The following RPGR variants were observed in gnomAD, a reference collection of about 807,000 sequenced individuals.
The protein encoded by RPGR is X-linked retinitis pigmentosa GTPase regulator.
In RPGR, 10 loss-of-function variants were observed where a neutral mutation model predicts 56.3. That is an observed-to-expected ratio of 0.18 (90% CI 0.11 to 0.30). The LOEUF is 0.30. Ranked by LOEUF, RPGR falls within the 10% of genes least tolerant of loss-of-function variation. The pLI is 1.00. For synonymous variants in RPGR, 197 were observed against 212.9 expected, an observed-to-expected ratio of 0.93 and a Z score of 0.65; for missense variants, 538 against 590.9, an observed-to-expected ratio of 0.91 and a Z score of 0.93.
chrX:38,286,439 C>G lies in RPGR; in HGVS notation c.1905+655G>C. On this transcript the variant is annotated intron_variant, in intron 15 of 18. Coordinates refer to ENST00000642395, the MANE Select transcript of RPGR (RefSeq NM_000328.3). ...CCTTCTTCCTCCCCTTTCCCTTCTC[C>G]TTCCTCCTCTTCCCCCTCCCCTTCC... 5.3e-6 allele frequency: 5 copies of G among 945,687 alleles called. No homozygotes were observed. In the South Asian group the frequency reaches 1.5e-4, roughly 29 times the overall value. 77.9% of individuals were successfully genotyped at this position (945,687 alleles called of 1,213,427 possible).
intron 15 of RPGR, among the ~76,000 whole-genome samples, chrX:38,280,597 A>G: frequency 8.9e-6 from 1 of 112,005 alleles, no homozygotes; most frequent in Non-Finnish European, 1.9e-5. Flanking sequence ...CAGTGGCACA[A>G]TCACAGCTTA....
Position 38,301,348 on chromosome X carries a change from C to A in RPGR, c.958G>T (p.Gly320Ter). The change falls in exon 9 of 19, where the codon GGA becomes TGA. Residue 320 changes from glycine (G) to a stop codon, truncating the protein, a stop_gained. Transcript: ENST00000642395. LOFTEE classifies it high-confidence loss of function. ...CCTAATTTTCCGTGGCGACCATCTC[C>A]AAAAGTATACATAAGGCCGATATCT... 8.3e-7 allele frequency: 1 copy of A among 1,205,843 alleles called. No homozygotes were observed. Among genetic ancestry groups the A allele is most frequent in the African/African-American group, 1.7e-5 (1 of 57,493 alleles).
chrX:38,326,685 T>C (rs2068051512), intron 1 of RPGR: 1 of 111,466 alleles, frequency 9.0e-6, no homozygotes, highest in African/African-American at 3.3e-5. Context: ...CACTCTTTAC[T>C]GCATTCAATA....
intron 3 of RPGR, among the ~76,000 whole-genome samples, chrX:38,321,671 A>G (rs977097044): frequency 9.2e-6 from 1 of 108,515 alleles, no homozygotes; most frequent in African/African-American, 3.4e-5. Context: ...AAAAAAAAAA[A>G]ACAACAACTT....
chrX:38,316,325 C>T (rs2067828555), intron 6 of RPGR, among the ~76,000 whole-genome samples: 1 of 111,159 alleles, frequency 9.0e-6, no homozygotes, highest in Non-Finnish European at 1.9e-5. Flanking sequence ...CAAAAAAAAG[C>T]TCAATGTAAT....
Position 38,273,420 on chromosome X carries a change from G to T in RPGR, c.2207C>A (p.Thr736Lys). 1 of 1,205,445 alleles carries T rather than the reference G, an allele frequency of 8.3e-7. No individual in the cohort carries two copies. Among genetic ancestry groups the T allele is most frequent in the Non-Finnish European group, 1.1e-6 (1 of 891,488 alleles). Residue 736 changes from threonine (T) to lysine (K), a missense_variant, in exon 18 of 19, where the codon ACA becomes AAA. Transcript: ENST00000642395. ...TTTTTTCATGTCTTTGCTTGGTGTT[G>T]TTTCACTGTTTTCTAGGATTTCTAA...
intron 7 of RPGR, among the ~76,000 whole-genome samples, chrX:38,307,829 A>G (rs17312763): frequency 0.19 from 21,529 of 111,317 alleles, 1,580 homozygotes; most frequent in Middle Eastern, 0.25. Context: ...ATACATTTAT[A>G]CAGTTTAAGG....
intron 11 of RPGR, among the ~76,000 whole-genome samples, chrX:38,292,384 A>G: frequency 8.9e-6 from 1 of 112,832 alleles, no homozygotes; most frequent in Middle Eastern, 4.6e-3. Flanking sequence ...ATCATAAAGT[A>G]GATAATTAAA....
chrX:38,286,669 T>C, intron 15 of RPGR: 2 of 1,122,400 alleles, frequency 1.8e-6, no homozygotes, highest in Non-Finnish European at 2.3e-6. Context: ...TCTTTCCTCC[T>C]TTTTCCTCTC....
At chrX:38,303,727 A>G (rs146883627) in intron 8 of RPGR, 8,631 of 295,562 alleles carry the variant, frequency 0.029, 129 homozygotes, top group African/African-American at 0.052. Context: ...AAGAAACAGT[A>G]TATCTTGCAT....
intron 13 of RPGR, among the ~76,000 whole-genome samples, chrX:38,289,059 G>A (rs1305881477): frequency 1.8e-5 from 2 of 111,181 alleles, no homozygotes; most frequent in Non-Finnish European, 3.8e-5. Context: ...TGGGATTACA[G>A]GCATGAGCCA....
chrX:38,298,570 T>C, intron 10 of RPGR: 3 of 228,968 alleles, frequency 1.3e-5, no homozygotes, highest in Non-Finnish European at 2.4e-5. Context: ...GTTAAGGGGG[T>C]ATATTTGTTG....
intron 16 of RPGR, chrX:38,276,512 T>C: frequency 4.9e-6 from 5 of 1,026,366 alleles, no homozygotes; most frequent in Non-Finnish European, 6.8e-6. Flanking sequence ...GCAACTGGAA[T>C]CTGTCCTCTG....
Position 38,312,738 on chromosome X carries a change from G to C in RPGR, c.620-1965C>G, listed in dbSNP as rs112007648. 7.2e-3 allele frequency among the ~76,000 whole-genome samples: 799 copies of C among 111,678 alleles called. 7 individuals are homozygous for C. Among genetic ancestry groups the C allele is most frequent in the African/African-American group, 0.024 (731 of 30,713 alleles). ...GCTGGTGGATGGCTTGAGTCTAGGA[G>C]TTTGAAACCAGTCTGGGCAACATGG... On this transcript the variant is annotated intron_variant, in intron 6 of 18. Coordinates refer to ENST00000642395, the MANE Select transcript of RPGR (RefSeq NM_000328.3).
At chrX:38,285,636 T>C (rs1429942765) in intron 15 of RPGR, 1 of 1,209,529 alleles carries the variant, frequency 8.3e-7, no homozygotes, top group Non-Finnish European at 1.1e-6. Context: ...GGACTGGCAT[T>C]TTGGACCTCT....
At position 38,284,526 on chromosome X, in the gene RPGR, A is replaced by C. The variant is rs1239836722; in HGVS notation, c.1905+2568T>G. The C allele has an allele frequency of 1.1e-5, 8 of 746,481 alleles. No homozygotes were observed. In the East Asian group the frequency reaches 9.1e-4, roughly 85 times the overall value. 61.5% of individuals were successfully genotyped at this position (746,481 alleles called of 1,213,427 possible). Reference sequence around the variant, plus strand: ...ACACATACCAGAAATGAAGGCTCTGATAAAGTACAGTTAAAGCTTGGAAAT... The same window carrying C: ...ACACATACCAGAAATGAAGGCTCTGCTAAAGTACAGTTAAAGCTTGGAAAT... On this transcript the variant is annotated intron_variant, in intron 15 of 18. Coordinates refer to ENST00000642395, the MANE Select transcript of RPGR (RefSeq NM_000328.3).
At chrX:38,285,426 C>T in intron 15 of RPGR, 3 of 1,123,790 alleles carry the variant, frequency 2.7e-6, no homozygotes, top group Admixed American at 6.1e-5. Flanking sequence ...TTTTTTTTTA[C>T]TACACATAAA....
chrX:38,323,388 G>A lies in RPGR; in HGVS notation c.154+11C>T. On this transcript the variant is annotated intron_variant, in intron 2 of 18. Transcript: ENST00000642395. ...AGTATTACTGTCCTTATTCAGGATT[G>A]TAATACTAACCGGTAACAACAGCAG... 1 of 1,199,179 alleles carries A rather than the reference G, an allele frequency of 8.3e-7. No individual in the cohort carries two copies. The highest frequency in any genetic ancestry group is 1.1e-6 in the Non-Finnish European group (1 of 885,136).
chrX:38,296,913 T>C (rs1437272014), intron 11 of RPGR, among the ~76,000 whole-genome samples: 1 of 111,389 alleles, frequency 9.0e-6, no homozygotes, highest in African/African-American at 3.2e-5. Context: ...ATAAGCTGAG[T>C]GACCTTGGGC....
Sources: allele counts gnomAD v4.1 joint callset (sites outside exome capture counted in the v4.1 genomes callset), GRCh38; gene constraint gnomAD v4.1.1; transcripts MANE v1.5; gene names NCBI Gene and HGNC (gene_info 2026-07-23, HGNC 2026-07-21).